MEGF6: variants seen among roughly 807,000 people sequenced by gnomAD.
MEGF6 encodes the protein multiple EGF like domains 6.
MEGF6 carries 184 observed loss-of-function variants against 207.1 expected under a neutral mutation model. The observed-to-expected ratio is 0.89, with a 90% CI of 0.79 to 1.00. The LOEUF (loss-of-function observed/expected upper bound fraction) is 1.00, where lower values mean the gene tolerates loss of function less well. Among genes scored for constraint, MEGF6 ranks in the 50% least tolerant of loss-of-function variants. MEGF6 has a pLI of 0.00. For missense variants in MEGF6, 2,282 were observed against 2,202.9 expected (o/e 1.04, Z -0.72); for synonymous variants, 1,038 against 910.0 (o/e 1.14, Z -2.53).
chr1:3,532,330 C>T (rs1261110563), intron 4 of MEGF6, among the ~76,000 whole-genome samples: 8 of 152,228 alleles, frequency 5.3e-5, no homozygotes. Context: ...CTCTCTGAGC[C>T]CCTTCTCGCA....
chr1:3,514,247 CAAAA>C (rs34128030), intron 7 of MEGF6, among the ~76,000 whole-genome samples: 2 of 118,702 alleles, frequency 1.7e-5, no homozygotes, highest in Admixed American at 8.2e-5. Context: ...GACTCCGTCT[CAAAA>C]AAAAAAAAAA....
At chr1:3,530,879 G>A (rs1251081819) in intron 4 of MEGF6, among the ~76,000 whole-genome samples, 1 of 152,240 alleles carries the variant, frequency 6.6e-6, no homozygotes, top group East Asian at 1.9e-4. Flanking sequence ...ACAGCCCTGA[G>A]AGGGGACGGG....
chr1:3,594,406 T>C lies in MEGF6; in HGVS notation c.376+932A>G, dbSNP rs1216406392. Among the ~76,000 whole-genome samples, 6 of 152,148 alleles carry C rather than the reference T, an allele frequency of 3.9e-5. No individual in the cohort carries two copies. Among genetic ancestry groups the C allele is most frequent in the Non-Finnish European group, 1.5e-5 (1 of 68,014 alleles). The stretch of plus-strand genomic sequence containing the variant: ...GTGGTGCCACTGCACTCCAGCCTGG[T>C]TGACAGAGTAAGACCTTACCTCTAA... On this transcript the variant is annotated intron_variant, in intron 3 of 36. Transcript: ENST00000356575. The surrounding 1 kb of genome is among the most constrained non-coding windows in gnomAD (Gnocchi z 4.2).
intron 1 of MEGF6, among the ~76,000 whole-genome samples, chr1:3,609,058 C>A (rs10909984): frequency 0.33 from 50,754 of 152,068 alleles, 8,765 homozygotes; most frequent in Admixed American, 0.39. Context: ...ACTCAGCCAG[C>A]GGGGGTGCCG....
intron 2 of MEGF6, among the ~76,000 whole-genome samples, chr1:3,597,022 A>C (rs572594024): frequency 3.9e-5 from 6 of 152,210 alleles, no homozygotes; most frequent in African/African-American, 1.4e-4. Context: ...TGCCCCCTAA[A>C]GTGAAAGACC....
intron 4 of MEGF6, among the ~76,000 whole-genome samples, chr1:3,542,498 T>A (rs1318167129): frequency 6.6e-6 from 1 of 152,066 alleles, no homozygotes; most frequent in Non-Finnish European, 1.5e-5. Flanking sequence ...TGATGTGGGA[T>A]CCTGGTCCCC....
At chr1:3,525,863 C>T (rs1641942077) in intron 4 of MEGF6, among the ~76,000 whole-genome samples, 1 of 152,240 alleles carries the variant, frequency 6.6e-6, no homozygotes, top group Non-Finnish European at 1.5e-5. Context: ...TCCAGGCCCC[C>T]CTCGCCAAGC....
chr1:3,614,163 A>G (rs1644359329), upstream of MEGF6, among the ~76,000 whole-genome samples: 1 of 152,142 alleles, frequency 6.6e-6, no homozygotes, highest in Non-Finnish European at 1.5e-5. Context: ...CCTCATTCTC[A>G]GGCACAGCAG....
At chr1:3,523,859 C>T (rs112945368) in intron 5 of MEGF6, among the ~76,000 whole-genome samples, 11 of 152,236 alleles carry the variant, frequency 7.2e-5, no homozygotes, top group African/African-American at 2.4e-5. Context: ...AGCATCACAG[C>T]GGGGCTTAGT....
intron 3 of MEGF6, among the ~76,000 whole-genome samples, chr1:3,583,852 G>A (rs113280160): frequency 1.1e-4 from 13 of 114,556 alleles, no homozygotes; most frequent in African/African-American, 3.0e-4. Context: ...CAGACAACCC[G>A]CAGCCACCAG....
chr1:3,515,558 C>A (rs1447160494), intron 5 of MEGF6, 31 bp from the exon 6 acceptor site: 1 of 1,599,314 alleles, frequency 6.3e-7, no homozygotes, highest in African/African-American at 1.3e-5. Context: ...CCAAGTCAGC[C>A]CAAGAGGATG....
At chr1:3,521,172 G>A (rs988320140) in intron 5 of MEGF6, among the ~76,000 whole-genome samples, 3 of 152,146 alleles carry the variant, frequency 2.0e-5, no homozygotes, top group Non-Finnish European at 4.4e-5. Context: ...GCAGCCCCAG[G>A]TTCCCGCTGA....
At chr1:3,493,233 C>G (rs1640448745) in intron 34 of MEGF6, 1 of 219,432 alleles carries the variant, frequency 4.6e-6, no homozygotes, top group Non-Finnish European at 9.2e-6. Flanking sequence ...GTGGGTCCCT[C>G]CTATCCTCAG....
At chr1:3,588,525 G>A in intron 3 of MEGF6, among the ~76,000 whole-genome samples, 1 of 130,384 alleles carries the variant, frequency 7.7e-6, no homozygotes, top group African/African-American at 2.9e-5. Flanking sequence ...GATAGGAGTG[G>A]CCAGGAGTGG....
chr1:3,528,961 G>A (rs771723164), intron 4 of MEGF6, among the ~76,000 whole-genome samples: 10 of 148,718 alleles, frequency 6.7e-5, no homozygotes, highest in Non-Finnish European at 9.0e-5. Flanking sequence ...TACCACTGTC[G>A]TCTCAGGAGT....
intron 4 of MEGF6, among the ~76,000 whole-genome samples, chr1:3,530,793 C>G (rs1275624559): frequency 2.0e-5 from 3 of 152,200 alleles, no homozygotes; most frequent in South Asian, 2.1e-4. Flanking sequence ...GCGGGGAACC[C>G]TGCTCCCACA....
In MEGF6 at chr1:3,505,299, G is replaced by A; in HGVS notation, c.2097C>T (p.Cys699=). Residue 699 remains cysteine (C), a synonymous_variant, in exon 17 of 37, where the codon TGC becomes TGT. Transcript: ENST00000356575. ...GYFGPGCWQA[C]TCPVGVACDS... Reference sequence around the variant, plus strand: ...CACAGGCCACGCCCACTGGGCAGGTGCATGCCTGCCAGCACCCCGGCCCAA... The same window carrying A: ...CACAGGCCACGCCCACTGGGCAGGTACATGCCTGCCAGCACCCCGGCCCAA... 4 of 1,612,172 alleles carry A rather than the reference G, an allele frequency of 2.5e-6. No homozygotes were observed. The highest frequency in any genetic ancestry group is 3.4e-6 in the Non-Finnish European group (4 of 1,179,670).
chr1:3,500,058 G>T, intron 21 of MEGF6, 134 bp from the exon 22 acceptor site: 2 of 1,313,122 alleles, frequency 1.5e-6, no homozygotes, highest in Non-Finnish European at 2.0e-6. Context: ...GCCCAAGGGA[G>T]ACTGGGCTCA....
the MEGF6 span, among the ~76,000 whole-genome samples, chr1:3,621,333 G>A: frequency 1.3e-5 from 2 of 152,200 alleles, no homozygotes; most frequent in African/African-American, 2.4e-5. Context: ...CTAGACCAAG[G>A]AGCCCTCTGG....
Sources: gnomAD v4.1 joint callset for allele counts (sites outside exome capture counted in the v4.1 genomes callset) on GRCh38, gnomAD v4.1.1 for gene constraint, Gnocchi (gnomAD v3.1) non-coding constraint, MANE v1.5 for transcripts, NCBI Gene and HGNC (gene_info 2026-07-23, HGNC 2026-07-21) for gene names.